TOP1MT: variants seen among roughly 807,000 people sequenced by gnomAD.
The protein encoded by TOP1MT is DNA topoisomerase I, mitochondrial.
A neutral mutation model predicts 73.9 loss-of-function variants in TOP1MT; 80 were observed. That is an observed-to-expected ratio of 1.08 (90% confidence interval 0.90 to 1.30). The LOEUF is 1.30. TOP1MT is among the 50% of genes most tolerant of loss of function. The probability of loss-of-function intolerance (pLI) is 0.00; values close to 1 mark genes in which losing one functional copy is unlikely to be tolerated. For missense variants in TOP1MT, 815 were observed against 808.0 expected (o/e 1.01, Z -0.10); for synonymous variants, 338 against 326.4 (o/e 1.04, Z -0.38).
rs67074137 is a variant in TOP1MT at position 143,323,873 on chromosome 8, C to A, written c.960+126G>T. ...CACACACGTGTGCACATGCACACAC[C>A]CCCCCCATCAGAATGAGGTTCCACC... On this transcript the variant is annotated intron_variant, in intron 7 of 13. Coordinates refer to ENST00000329245, the MANE Select transcript of TOP1MT (RefSeq NM_052963.3). The A allele has an allele frequency of 0.11, 113,945 of 1,032,666 alleles. 7,238 individuals carry two copies. Among genetic ancestry groups the A allele is most frequent in the African/African-American group, 0.24 (15,082 of 61,984 alleles). 64.0% of individuals were successfully genotyped at this position (1,032,666 alleles called of 1,614,324 possible). A position where few individuals can be genotyped will look rare whatever the true frequency, so the allele number is the denominator to read the frequency against.
At chr8:143,346,550 C>T (rs2450745), upstream of TOP1MT, among the ~76,000 whole-genome samples, 1 of 152,034 alleles carries the variant, frequency 6.6e-6, no homozygotes, top group Admixed American at 6.6e-5. Flanking sequence ...GGGAGGCTGA[C>T]ATGGGAGGAT....
At chr8:143,324,437 CA>C in intron 6 of TOP1MT, 47 bp downstream of exon 6, 2 of 1,612,398 alleles carry the variant, frequency 1.2e-6, no homozygotes, top group Non-Finnish European at 1.7e-6. Flanking sequence ...CCGGCGTCCT[CA>C]GGGGGACCTC....
exon 2 of TOP1MT, chr8:143,343,275 A>G (rs1445544143): frequency 2.2e-6 from 1 of 456,156 alleles, no homozygotes; most frequent in South Asian, 1.5e-5. Context: ...TGGCGTGGTG[A>G]TCTGTGCAAA....
At chr8:143,320,216 C>T (rs1490294453) in intron 8 of TOP1MT, among the ~76,000 whole-genome samples, 1 of 152,036 alleles carries the variant, frequency 6.6e-6, no homozygotes, top group Non-Finnish European at 1.5e-5. Context: ...GCAAGCTCCG[C>T]CTCCTGGGTT....
intron 7 of TOP1MT, among the ~76,000 whole-genome samples, chr8:143,321,838 G>A (rs1310362770): frequency 1.9e-5 from 1 of 51,402 alleles, no homozygotes; most frequent in African/African-American, 9.1e-5. Context: ...ACACACACAC[G>A]CCACACGCAC....
In TOP1MT at chr8:143,340,318, C is replaced by G. The variant is rs4874175; in HGVS notation, c.29+2902G>C. Among the ~76,000 whole-genome samples, 23 of 105,992 alleles carry G rather than the reference C, an allele frequency of 2.2e-4. 1 individual carries two copies. The highest frequency in any genetic ancestry group is 7.3e-4 in the African/African-American group (23 of 31,696). The allele number at this position is 105,992 out of a possible 152,430, so 69.5% of individuals were successfully genotyped here. Reference sequence around the variant, plus strand: ...GCACCGGTCTGCACAGCATTCCCCCCCTCCCAGCACTGGTCTACACAGCAT... The same window carrying G: ...GCACCGGTCTGCACAGCATTCCCCCGCTCCCAGCACTGGTCTACACAGCAT... On this transcript the variant is annotated intron_variant, in intron 2 of 5. Coordinates refer to the TOP1MT transcript ENST00000518007.
chr8:143,321,164 G>T, intron 8 of TOP1MT, 37 bp downstream of exon 8: 6 of 1,526,560 alleles, frequency 3.9e-6, no homozygotes, highest in Non-Finnish European at 5.3e-6. Flanking sequence ...GCAAATACGT[G>T]TCACATAGCG....
In TOP1MT at chr8:143,331,224, C is replaced by A; in HGVS notation, c.238G>T (p.Gly80Ter). 1 of 1,601,510 alleles carries A rather than the reference C, an allele frequency of 6.2e-7. No individual in the cohort carries two copies. Among genetic ancestry groups the A allele is most frequent in the Non-Finnish European group, 8.5e-7 (1 of 1,170,484 alleles). Reference sequence around the variant, plus strand: ...GAGGAGCCGCTCCCTGCATCCTTACCTTCATAGAAGAAACGCACTCCGTCG... The same window carrying A: ...GAGGAGCCGCTCCCTGCATCCTTACATTCATAGAAGAAACGCACTCCGTCG... ...LPDGVRFFYE[G>*]RPVRLSVAAE... The change falls in exon 2 of 14, where the codon GGA becomes TGA. Residue 80 changes from glycine to a stop codon, truncating the protein, a stop_gained and splice_region_variant. Coordinates refer to ENST00000329245, the MANE Select transcript of TOP1MT (RefSeq NM_052963.3). LOFTEE classifies it high-confidence loss of function.
upstream of TOP1MT, among the ~76,000 whole-genome samples, chr8:143,346,531 C>CAGCTA (rs1467574431): frequency 7.2e-5 from 11 of 152,308 alleles, no homozygotes; most frequent in South Asian, 4.1e-4. Flanking sequence ...CTTGTAGTCC[C>CAGCTA]AGCTACTCGG....
At chr8:143,342,092 A>G (rs575723070) in intron 2 of TOP1MT, among the ~76,000 whole-genome samples, 3 of 103,432 alleles carry the variant, frequency 2.9e-5, no homozygotes, top group Admixed American at 2.5e-4. Context: ...TTATTATTAG[A>G]GTCTCGCTCT....
At position 143,334,722 on chromosome 8, in the gene TOP1MT, C is replaced by T. The variant is rs759877532; in HGVS notation, c.122+18G>A. On this transcript the variant is annotated intron_variant, in intron 1 of 13. Transcript: ENST00000329245. Reference sequence around the variant, plus strand: ...CGGTGCTCAGGGCCCTCGCCGCCTGCTCACTGGGACACCTTACCTGGCTCC... The same window carrying T: ...CGGTGCTCAGGGCCCTCGCCGCCTGTTCACTGGGACACCTTACCTGGCTCC... 3.1e-6 allele frequency: 5 copies of T among 1,599,592 alleles called. No individual in the cohort carries two copies. The highest frequency in any genetic ancestry group is 1.7e-5 in the Admixed American group (1 of 59,482).
At chr8:143,311,770 C>G (rs1816021827) in intron 12 of TOP1MT, among the ~76,000 whole-genome samples, 2 of 150,306 alleles carry the variant, frequency 1.3e-5, no homozygotes, top group South Asian at 4.2e-4. Context: ...AAAAGAACCG[C>G]AGCCACAATA....
upstream of TOP1MT, among the ~76,000 whole-genome samples, chr8:143,345,424 G>A (rs962709813): frequency 2.0e-5 from 3 of 152,204 alleles, no homozygotes; most frequent in Non-Finnish European, 2.9e-5. Context: ...GCTGGTCTCC[G>A]GAGGACACAG....
rs148805123 is a variant in TOP1MT, at chr8:143,322,643, C to CCACACACGCACGCCA, written c.961-1258_961-1257insTGGCGTGCGTGTGTG. Among the ~76,000 whole-genome samples, 8 of 55,008 alleles carry CCACACACGCACGCCA rather than the reference C, an allele frequency of 1.5e-4. 1 individual carries two copies. The highest frequency in any genetic ancestry group is 6.9e-4 in the African/African-American group (7 of 10,090). 36.1% of individuals were successfully genotyped at this position (55,008 alleles called of 152,430 possible). On this transcript the variant is annotated intron_variant, in intron 7 of 13. Coordinates refer to ENST00000329245, the MANE Select transcript of TOP1MT (RefSeq NM_052963.3). ...CACACAGGCACGTCACACACACACGCCACACGCACACCACACACGCACGCC... is the reference window on the plus strand; with the variant it reads ...CACACAGGCACGTCACACACACACGCCACACACGCACGCCACACACGCACACCACACACGCACGCC...
intron 3 of TOP1MT, chr8:143,328,460 A>T (rs1816761530): frequency 2.7e-6 from 1 of 368,284 alleles, no homozygotes; most frequent in African/African-American, 2.1e-5. Context: ...ATCACTTGTC[A>T]TTAGGGAAAC....
upstream of TOP1MT, among the ~76,000 whole-genome samples, chr8:143,337,457 C>T (rs952199274): frequency 2.0e-5 from 3 of 152,110 alleles, no homozygotes; most frequent in Non-Finnish European, 4.4e-5. Context: ...CAATACAATC[C>T]CCATCTAAAT....
Position 143,324,033 on chromosome 8 carries a change from CTCG to C in TOP1MT, c.923_925del (p.Thr308del). 1.2e-6 allele frequency: 2 copies of C among 1,613,854 alleles called. No individual in the cohort carries two copies. Among genetic ancestry groups the C allele is most frequent in the Non-Finnish European group, 1.7e-6 (2 of 1,180,032 alleles). Reference sequence around the variant, plus strand: ...GAAATACAGGGCCACCGCCCGCTGTCTCGTCTTCATTTCCCGAGACTTCCAGTC... The same window carrying C: ...GAAATACAGGGCCACCGCCCGCTGTCTCTTCATTTCCCGAGACTTCCAGTC... On this transcript the variant is annotated inframe_deletion, in exon 7 of 14. Transcript: ENST00000329245.
chr8:143,319,529 C>T (rs1563756058), intron 8 of TOP1MT, among the ~76,000 whole-genome samples: 2 of 152,104 alleles, frequency 1.3e-5, no homozygotes, highest in Admixed American at 6.5e-5. Context: ...TGCGACGTGG[C>T]GCCCACCCAG....
upstream of TOP1MT, among the ~76,000 whole-genome samples, chr8:143,356,785 CAAAAAAAAAA>C (rs1161995816): frequency 7.7e-5 from 2 of 25,960 alleles, no homozygotes; most frequent in Middle Eastern, 0.036. Context: ...GACTCTGTCT[CAAAAAAAAAA>C]AAAAAAAAAA....
Sources: allele counts gnomAD v4.1 joint callset (sites outside exome capture counted in the v4.1 genomes callset), GRCh38; gene constraint gnomAD v4.1.1; transcripts MANE v1.5; gene names NCBI Gene and HGNC (gene_info 2026-07-23, HGNC 2026-07-21).